ZNF682: variants seen among roughly 807,000 people sequenced by gnomAD.
ZNF682 encodes the protein zinc finger protein 682.
Under a neutral mutation model 36.5 loss-of-function variants are expected in ZNF682, and 29 were observed. The observed-to-expected ratio is 0.80, with a 90% CI of 0.59 to 1.08. ZNF682 has a LOEUF of 1.08. ZNF682 is among the 50% of genes least tolerant of loss of function. The probability of loss-of-function intolerance (pLI) is 0.00; values close to 1 mark genes in which losing one functional copy is unlikely to be tolerated. For synonymous variants in ZNF682, 180 were observed against 197.0 expected, an observed-to-expected ratio of 0.91 and a Z score of 0.72; for missense variants, 561 against 579.7, an observed-to-expected ratio of 0.97 and a Z score of 0.33.
At chr19:20,010,609 A>G (rs1030316012) in intron 3 of ZNF682, among the ~76,000 whole-genome samples, 5 of 152,084 alleles carry the variant, frequency 3.3e-5, no homozygotes, top group African/African-American at 9.7e-5. Flanking sequence ...CAGTAAGCTG[A>G]TATCGCGCCT....
At chr19:20,028,090 G>A (rs1196341844) in intron 1 of ZNF682, among the ~76,000 whole-genome samples, 1 of 152,128 alleles carries the variant, frequency 6.6e-6, no homozygotes, top group East Asian at 1.9e-4. Context: ...TCTTCAAACT[G>A]GCCATTTAAT....
chr19:20,002,285 G>A (rs939065571), downstream of ZNF682, among the ~76,000 whole-genome samples: 8 of 150,554 alleles, frequency 5.3e-5, no homozygotes, highest in Non-Finnish European at 3.0e-5. Flanking sequence ...AGTAGAGACA[G>A]GGTTTCACCA....
At position 20,014,778 on chromosome 19, in the gene ZNF682, C is replaced by CAA. The variant is rs554191306; in HGVS notation, c.227-7505_227-7504dup. On this transcript the variant is annotated intron_variant, in intron 3 of 3. Coordinates refer to ENST00000397165, the MANE Select transcript of ZNF682 (RefSeq NM_033196.3). ...CTGGCAACAGAGCGAGACTCCATCT[C>CAA]AAAAAAAAAAAAAAAAGCAGGAAAT... is the stretch of plus-strand genomic sequence containing the variant. 3.5e-3 allele frequency among the ~76,000 whole-genome samples: 253 copies of CAA among 72,076 alleles called. 2 individuals carry two copies. The highest frequency in any genetic ancestry group is 9.7e-3 in the African/African-American group (233 of 24,142). The allele number at this position is 72,076 out of a possible 152,430, so 47.3% of individuals were successfully genotyped here.
intron 1 of ZNF682, among the ~76,000 whole-genome samples, chr19:20,037,240 G>A (rs1052879840): frequency 6.6e-6 from 1 of 152,156 alleles, no homozygotes; most frequent in African/African-American, 2.4e-5. Context: ...GCAAACGAGG[G>A]AAAGTTGCTA....
At chr19:20,026,928 A>G (rs973805702) in intron 1 of ZNF682, among the ~76,000 whole-genome samples, 2 of 152,248 alleles carry the variant, frequency 1.3e-5, no homozygotes, top group African/African-American at 4.8e-5. Context: ...AGTAATATTT[A>G]TAAGAAGAAA....
chr19:20,035,083 C>T (rs1052542383), intron 1 of ZNF682, among the ~76,000 whole-genome samples: 2 of 152,162 alleles, frequency 1.3e-5, no homozygotes, highest in African/African-American at 4.8e-5. Flanking sequence ...AAGCAACAGG[C>T]TGAAATTCTG....
chr19:20,020,699 T>A (rs1195556047), intron 3 of ZNF682, among the ~76,000 whole-genome samples: 1 of 151,940 alleles, frequency 6.6e-6, no homozygotes, highest in Non-Finnish European at 1.5e-5. Flanking sequence ...ATATGACACA[T>A]ATACACAATA....
intron 1 of ZNF682, among the ~76,000 whole-genome samples, chr19:20,036,815 A>G (rs961826916): frequency 3.3e-3 from 22 of 6,578 alleles, no homozygotes; most frequent in Non-Finnish European, 5.8e-3. Context: ...AAAAAAAAAG[A>G]AAAAAAAAAA....
Position 20,005,642 on chromosome 19 carries a change from A to C in ZNF682, c.*363T>G. Reference sequence around the variant, plus strand: ...TGAAGTCTTTCCATGTACAAATGTAATGTATCACTATCATTACACCTTGTG... The same window carrying C: ...TGAAGTCTTTCCATGTACAAATGTACTGTATCACTATCATTACACCTTGTG... On this transcript the variant is annotated 3_prime_UTR_variant, in exon 4 of 4. Transcript: ENST00000397165. 1 of 196,248 alleles carries C rather than the reference A, an allele frequency of 5.1e-6. No individual in the cohort carries two copies. The highest frequency in any genetic ancestry group is 5.2e-5 in the Admixed American group (1 of 19,082). The allele number at this position is 196,248 out of a possible 1,614,324, so 12.2% of individuals were successfully genotyped here.
At chr19:20,012,872 G>T (rs1466135246) in intron 3 of ZNF682, among the ~76,000 whole-genome samples, 1 of 151,056 alleles carries the variant, frequency 6.6e-6, no homozygotes, top group Admixed American at 6.6e-5. Context: ...CATAAAAGCA[G>T]CCAAGAAACA....
intron 3 of ZNF682, 125 bp from the exon 4 acceptor site, chr19:20,007,400 A>G: frequency 1.2e-6 from 1 of 862,612 alleles, no homozygotes; most frequent in African/African-American, 1.7e-5. Context: ...GCTGGGAAAC[A>G]CTCACTCCAA....
chr19:20,026,544 A>T (rs2088433225), intron 1 of ZNF682, among the ~76,000 whole-genome samples: 1 of 152,118 alleles, frequency 6.6e-6, no homozygotes, highest in African/African-American at 2.4e-5. Flanking sequence ...ATCCCGGCTC[A>T]CTGCAACCTC....
chr19:20,039,152 G>C, intron 1 of ZNF682, 191 bp downstream of exon 1: 1 of 1,398,068 alleles, frequency 7.2e-7, no homozygotes, highest in South Asian at 1.6e-5. Flanking sequence ...TGCCCGCCCA[G>C]GGTCCCGGCT....
At chr19:20,016,224 A>G (rs2088333495) in intron 3 of ZNF682, among the ~76,000 whole-genome samples, 1 of 152,182 alleles carries the variant, frequency 6.6e-6, no homozygotes, top group African/African-American at 2.4e-5. Context: ...GTCAGTCTAT[A>G]GAGCCAGTCT....
downstream of ZNF682, among the ~76,000 whole-genome samples, chr19:19,996,234 A>G (rs2088128356): frequency 6.6e-6 from 1 of 152,224 alleles, no homozygotes; most frequent in African/African-American, 2.4e-5. Flanking sequence ...CTTGAGGAGC[A>G]TATGCTTCTG....
At chr19:20,018,445 A>G (rs2088357179) in intron 3 of ZNF682, among the ~76,000 whole-genome samples, 1 of 152,192 alleles carries the variant, frequency 6.6e-6, no homozygotes, top group Non-Finnish European at 1.5e-5. Flanking sequence ...TAAAAAGAAC[A>G]ACAAAGAGGT....
At chr19:20,027,822 G>A (rs1349766725) in intron 1 of ZNF682, among the ~76,000 whole-genome samples, 2 of 151,616 alleles carry the variant, frequency 1.3e-5, no homozygotes, top group African/African-American at 4.8e-5. Flanking sequence ...GCTGAGTCAG[G>A]AGAATCACTT....
At chr19:20,035,082 G>A (rs7247818) in intron 1 of ZNF682, among the ~76,000 whole-genome samples, 119,353 of 152,072 alleles carry the variant, frequency 0.78, 46,987 homozygotes, top group Middle Eastern at 0.88. Flanking sequence ...TAAGCAACAG[G>A]CTGAAATTCT....
chr19:20,006,236 C>T lies in ZNF682; in HGVS notation c.1266G>A (p.Glu422=), dbSNP rs1262895830. 1 of 1,613,898 alleles carries T rather than the reference C, an allele frequency of 6.2e-7. No individual in the cohort carries two copies. The highest frequency in any genetic ancestry group is 1.3e-5 in the African/African-American group (1 of 75,048). ...LTEHKRIHTG[E]KPYNCEECGK... ...CACATTCTTCACAGTTGTAGGGTTT[C>T]TCTCCAGTATGAATTCTCTTATGTT... Residue 422 remains glutamate (E), a synonymous_variant, in exon 4 of 4, where the codon GAG becomes GAA. Coordinates refer to ENST00000397165, the MANE Select transcript of ZNF682 (RefSeq NM_033196.3).
Sources: allele counts gnomAD v4.1 joint callset (sites outside exome capture counted in the v4.1 genomes callset), GRCh38; gene constraint gnomAD v4.1.1; transcripts MANE v1.5; gene names NCBI Gene and HGNC (gene_info 2026-07-23, HGNC 2026-07-21).